TMEM63B: variants seen among roughly 807,000 people sequenced by gnomAD.
The protein encoded by TMEM63B is mechanosensitive cation channel TMEM63B.
TMEM63B carries 23 observed loss-of-function variants against 102.6 expected under a neutral mutation model. That is an observed-to-expected ratio of 0.22 (90% CI 0.16 to 0.32). The LOEUF is 0.32. TMEM63B is among the 10% of genes least tolerant of loss of function. The pLI, the probability that TMEM63B is intolerant of heterozygous loss-of-function variation, is 1.00. For missense variants in TMEM63B, 628 were observed against 1,095.9 expected (o/e 0.57, Z 6.03); for synonymous variants, 444 against 437.0 (o/e 1.02, Z -0.20).
intron 15 of TMEM63B, 26 bp from the exon 16 acceptor site, chr6:44,149,833 T>C (rs1418292645): frequency 6.3e-7 from 1 of 1,586,054 alleles, no homozygotes; most frequent in Admixed American, 1.8e-5. Flanking sequence ...CTGCCCTGCC[T>C]GACGCCCCCC....
intron 1 of TMEM63B, among the ~76,000 whole-genome samples, chr6:44,132,682 A>G (rs2128222311): frequency 6.6e-6 from 1 of 151,888 alleles, no homozygotes; most frequent in East Asian, 1.9e-4. Flanking sequence ...TTCGAAGCCA[A>G]CAACTCCCTT....
chr6:44,147,430 A>G lies in TMEM63B; in HGVS notation c.917A>G (p.Asn306Ser), dbSNP rs762023257. The G allele has an allele frequency of 2.5e-6, 4 of 1,614,166 alleles. No individual in the cohort carries two copies. The Admixed American group carries it at 6.7e-5, about 27-fold the overall frequency. The change falls in exon 12 of 24, where the codon AAC becomes AGC. Residue 306 changes from asparagine to serine, a missense_variant. Physicochemically the swap from Asn to Ser is conservative, Grantham distance 46 (BLOSUM62 1). Transcript: ENST00000323267. ...LYFTNLQSKENVPTMINPKPC... is the reference protein window; with the variant it reads ...LYFTNLQSKESVPTMINPKPC... ...TTCACAAACCTCCAGAGCAAGGAGA[A>G]CGTGCCTACCATGATCAACCCCAAG...
chr6:44,142,173 G>A (rs1764403344), intron 10 of TMEM63B, among the ~76,000 whole-genome samples: 1 of 151,382 alleles, frequency 6.6e-6, no homozygotes. Context: ...GCTCACGCCT[G>A]TAATCCCAAC....
At chr6:44,154,603 G>A in intron 23 of TMEM63B, 89 bp from the exon 24 acceptor site, 1 of 1,468,986 alleles carries the variant, frequency 6.8e-7, no homozygotes, top group Non-Finnish European at 9.2e-7. Flanking sequence ...CCAGGGCCCT[G>A]CCCACTCTGC....
intron 5 of TMEM63B, 99 bp downstream of exon 5, chr6:44,136,538 C>A: frequency 1.2e-6 from 1 of 833,932 alleles, no homozygotes; most frequent in Non-Finnish European, 1.9e-6. Flanking sequence ...GTCAGGGATG[C>A]TGGTTTGGCC....
rs367580102 is a variant in TMEM63B, at chr6:44,131,112, G to A, written c.-25+3434G>A. The stretch of plus-strand genomic sequence containing the variant: ...TTTGTATTTTTTTAGTAGAGACGGG[G>A]TTTCACTGTGTTGGCCAGGCTGGTC... On this transcript the variant is annotated intron_variant, in intron 1 of 23. Transcript: ENST00000323267. Among the ~76,000 whole-genome samples the A allele has an allele frequency of 1.6e-4, 24 of 151,588 alleles. 1 individual carries two copies. The highest frequency in any genetic ancestry group is 8.0e-4 in the East Asian group (4 of 5,028).
At chr6:44,146,716 G>A in intron 10 of TMEM63B, 131 bp from the exon 11 acceptor site, 1 of 927,314 alleles carries the variant, frequency 1.1e-6, no homozygotes, top group Non-Finnish European at 1.7e-6. Context: ...CCCCCAAAGT[G>A]CTGGGATTAC....
At position 44,139,514 on chromosome 6, in the gene TMEM63B, TG is replaced by T; in HGVS notation, c.456del (p.Ser153ProfsTer18). 1 of 1,614,202 alleles carries T rather than the reference TG, an allele frequency of 6.2e-7. No individual in the cohort carries two copies. Among genetic ancestry groups the T allele is most frequent in the Non-Finnish European group, 8.5e-7 (1 of 1,180,042 alleles). ...DKCGGDAVHYLSFQRHIIGLL... is the reference protein window; with the variant it reads ...DKCGGDAVHYXSFQRHIIGLL... Reference sequence around the variant, plus strand: ...TGTGGGGGCGATGCCGTGCACTACCTGTCCTTTCAGCGGCACATCATCGGGC... The same window carrying T: ...TGTGGGGGCGATGCCGTGCACTACCTTCCTTTCAGCGGCACATCATCGGGC... On this transcript the variant is annotated frameshift_variant, in exon 7 of 24. Transcript: ENST00000323267. LOFTEE classifies it high-confidence loss of function.
intron 10 of TMEM63B, among the ~76,000 whole-genome samples, chr6:44,141,462 G>A (rs1465784951): frequency 6.6e-6 from 1 of 152,184 alleles, no homozygotes; most frequent in Non-Finnish European, 1.5e-5. Context: ...ACAGGGAGAA[G>A]CTCCTTGGTT....
chr6:44,149,165 C>T (rs915054941), intron 15 of TMEM63B: 1 of 620,838 alleles, frequency 1.6e-6, no homozygotes, highest in African/African-American at 1.8e-5. Context: ...GGAGAAACAC[C>T]CAGGGAAGAG....
At chr6:44,138,455 C>A (rs370405028) in intron 5 of TMEM63B, 25 bp from the exon 6 acceptor site, 2 of 1,613,880 alleles carry the variant, frequency 1.2e-6, no homozygotes, top group Admixed American at 3.3e-5. Context: ...TGGGGACTCC[C>A]GCTGACAGCC....
At chr6:44,149,144 G>GT in intron 15 of TMEM63B, 199 bp downstream of exon 15, 1 of 690,750 alleles carries the variant, frequency 1.4e-6, no homozygotes, top group Non-Finnish European at 2.4e-6. Context: ...ACCCTCAGGT[G>GT]TGCAACACCT....
chr6:44,136,197 G>A, intron 4 of TMEM63B, 152 bp from the exon 5 acceptor site: 1 of 639,094 alleles, frequency 1.6e-6, no homozygotes, highest in Admixed American at 2.5e-5. Flanking sequence ...AGGGAAGCAG[G>A]GTAGAGGGCA....
rs977612731 is a variant in TMEM63B, at chr6:44,141,700, A to G, written c.782+602A>G. On this transcript the variant is annotated intron_variant, in intron 10 of 23. Coordinates refer to ENST00000323267, the MANE Select transcript of TMEM63B (RefSeq NM_018426.3). ...TGGGGAATCAGTGAAGGGCCCCTCCATGGGGGTGTGTAGGGACAGTCTCTA... is the reference window on the plus strand; with the variant it reads ...TGGGGAATCAGTGAAGGGCCCCTCCGTGGGGGTGTGTAGGGACAGTCTCTA... Among the ~76,000 whole-genome samples, 6 of 152,186 alleles carry G rather than the reference A, an allele frequency of 3.9e-5. No individual in the cohort carries two copies. In the East Asian group the frequency reaches 5.8e-4, roughly 15 times the overall value.
intron 20 of TMEM63B, among the ~76,000 whole-genome samples, chr6:44,153,222 T>C (rs577520817): frequency 6.6e-6 from 1 of 152,316 alleles, no homozygotes; most frequent in South Asian, 2.1e-4. Flanking sequence ...ACTGGTAGCC[T>C]CTACTTTCCT....
At chr6:44,140,506 C>G in intron 9 of TMEM63B, 146 bp downstream of exon 9, 1 of 709,108 alleles carries the variant, frequency 1.4e-6, no homozygotes, top group Non-Finnish European at 2.5e-6. Flanking sequence ...CTGCAAGTTA[C>G]ATAACCTCCC....
intron 10 of TMEM63B, among the ~76,000 whole-genome samples, chr6:44,141,636 C>T (rs1764283312): frequency 6.6e-6 from 1 of 152,134 alleles, no homozygotes; most frequent in Non-Finnish European, 1.5e-5. Context: ...CCTGGTCACC[C>T]CATGGCTAGG....
At position 44,135,576 on chromosome 6, in the gene TMEM63B, C is replaced by T. The variant is rs116502128; in HGVS notation, c.278+210C>T. ...CCTCACCTCCCCTTCATCTCTCCCTCTGGCTCCCTGCCTGGGAGAAGTCCC... is the reference window on the plus strand; with the variant it reads ...CCTCACCTCCCCTTCATCTCTCCCTTTGGCTCCCTGCCTGGGAGAAGTCCC... On this transcript the variant is annotated intron_variant, in intron 4 of 23. Transcript: ENST00000323267. Among the ~76,000 whole-genome samples, 1,252 of 152,352 alleles carry T rather than the reference C, an allele frequency of 8.2e-3. 16 individuals are homozygous for T. Among genetic ancestry groups the T allele is most frequent in the African/African-American group, 0.029 (1,203 of 41,588 alleles).
intron 1 of TMEM63B, chr6:44,127,984 A>G (rs1777530042): frequency 6.7e-6 from 1 of 148,214 alleles, no homozygotes; most frequent in Admixed American, 6.6e-5. Flanking sequence ...CTCTTCTCCC[A>G]CCTGCCCGGT....
Sources: gnomAD v4.1 joint callset for allele counts (sites outside exome capture counted in the v4.1 genomes callset) on GRCh38, gnomAD v4.1.1 for gene constraint, MANE v1.5 for transcripts, NCBI Gene and HGNC (gene_info 2026-07-23, HGNC 2026-07-21) for gene names.